Variants in PSTPIP2 observed in about 807,000 individuals in gnomAD.
PSTPIP2 encodes the protein proline-serine-threonine phosphatase interacting protein 2, also known as proline-serine-threonine phosphatase-interacting protein 2.
Under a neutral mutation model 63.3 loss-of-function variants are expected in PSTPIP2, and 33 were observed. The observed-to-expected ratio is 0.52, with a 90% CI of 0.40 to 0.70. The LOEUF is 0.70. Ranked by LOEUF, PSTPIP2 falls within the 30% of genes least tolerant of loss-of-function variation. The pLI is 0.00. For missense variants in PSTPIP2, 312 were observed against 400.7 expected (o/e 0.78, Z 1.89); for synonymous variants, 125 against 132.7 (o/e 0.94, Z 0.40).
intron 1 of PSTPIP2, chr18:46,040,874 A>T: frequency 2.6e-6 from 1 of 391,228 alleles, no homozygotes; most frequent in African/African-American, 2.1e-5. Flanking sequence ...TGGATCCTCT[A>T]CTGAAGCCCA....
intron 6 of PSTPIP2, 78 bp from the exon 7 acceptor site, chr18:45,999,612 A>G: frequency 6.8e-7 from 1 of 1,469,668 alleles, no homozygotes. Flanking sequence ...TGGCCCAGGA[A>G]GTCCAGCATG....
chr18:46,062,715 C>G (rs1008536121), intron 1 of PSTPIP2, among the ~76,000 whole-genome samples: 7 of 151,966 alleles, frequency 4.6e-5, no homozygotes, highest in Non-Finnish European at 1.0e-4. Flanking sequence ...CGGGGTTTCA[C>G]CGTGTTAGCC....
At chr18:46,028,773 C>T (rs1907684513) in intron 2 of PSTPIP2, 3 of 1,109,746 alleles carry the variant, frequency 2.7e-6, no homozygotes, top group Non-Finnish European at 4.1e-6. Flanking sequence ...TCCAGCATGC[C>T]GTGGGAGGAG....
At chr18:46,031,430 T>A (rs1470950635) in intron 2 of PSTPIP2, among the ~76,000 whole-genome samples, 2 of 152,188 alleles carry the variant, frequency 1.3e-5, no homozygotes, top group Admixed American at 1.3e-4. Context: ...CTGTTTCTTC[T>A]CAGGCCTCTA....
Position 45,991,911 on chromosome 18 carries a change from T to G in PSTPIP2, c.911A>C (p.Asn304Thr). 6.2e-7 allele frequency: 1 copy of G among 1,608,908 alleles called. No homozygotes were observed. Among genetic ancestry groups the G allele is most frequent in the Non-Finnish European group, 8.5e-7 (1 of 1,175,920 alleles). The change falls in exon 12 of 15, where the codon AAC (asparagine) becomes ACC (threonine). Residue 304 changes from asparagine to threonine, a missense_variant. By Grantham distance (65) the Asn-to-Thr change is moderately conservative. Transcript: ENST00000409746. ...AVPAGKATGP[N>T]LARRGPLPIP... ...GGCAGCTGGTTATTACCTTGCCAAG[T>G]TAGGCCCTGTAGCCTTTCCTGCTGG...
intron 2 of PSTPIP2, 60 bp downstream of exon 2, chr18:46,039,887 C>CT (rs1908127362): frequency 2.1e-6 from 3 of 1,404,626 alleles, no homozygotes; most frequent in Admixed American, 1.7e-5. Flanking sequence ...GAAATTGTTC[C>CT]TTGTCTGTGT....
At chr18:46,049,770 C>T (rs1286433568) in intron 1 of PSTPIP2, among the ~76,000 whole-genome samples, 1 of 152,166 alleles carries the variant, frequency 6.6e-6, no homozygotes, top group Non-Finnish European at 1.5e-5. Context: ...ATCCCAGTTA[C>T]TTGGGAGGCT....
Position 46,016,192 on chromosome 18 carries a change from A to G in PSTPIP2, c.213-255T>C, listed in dbSNP as rs112829517. The G allele has an allele frequency of 3.8e-3, 1,806 of 476,418 alleles. 17 individuals are homozygous for G. Among genetic ancestry groups the G allele is most frequent in the African/African-American group, 0.012 (598 of 51,498 alleles). 29.5% of individuals were successfully genotyped at this position (476,418 alleles called of 1,614,324 possible). A position where few individuals can be genotyped will look rare whatever the true frequency, so the allele number is the denominator to read the frequency against. Reference sequence around the variant, plus strand: ...AAACTCTTTGTGTTTCATTTTCTCCAATGATAGGATAGGAGTTATGATCCT... The same window carrying G: ...AAACTCTTTGTGTTTCATTTTCTCCGATGATAGGATAGGAGTTATGATCCT... On this transcript the variant is annotated intron_variant, in intron 3 of 14. Coordinates refer to ENST00000409746, the MANE Select transcript of PSTPIP2 (RefSeq NM_024430.4).
rs2144068461 is a variant in PSTPIP2, at chr18:45,998,795, T to C, written c.561A>G (p.Ser187=). The change falls in exon 8 of 15, where the codon TCA becomes TCG. Residue 187 remains serine (S), a splice_region_variant and synonymous_variant. Coordinates refer to ENST00000409746, the MANE Select transcript of PSTPIP2 (RefSeq NM_024430.4). ...LATSKTAVED[S]DKAYMLHIGT... ...CATCCGTAGGAACTGCCCCCTCACC[T>C]GAGTCCTCTACTGCGGTCTTTGAAG... is the stretch of plus-strand genomic sequence containing the variant. The C allele has an allele frequency of 6.2e-7, 1 of 1,613,706 alleles. No homozygotes were observed.
rs191513539 is a variant in PSTPIP2 at position 46,018,605 on chromosome 18, G to A, written c.213-2668C>T. Reference sequence around the variant, plus strand: ...GCTGGTCTCGAACTCCTGACCTCAAGTGAGCTGCCCGCCTTGGCCTCCCAA... The same window carrying A: ...GCTGGTCTCGAACTCCTGACCTCAAATGAGCTGCCCGCCTTGGCCTCCCAA... On this transcript the variant is annotated intron_variant, in intron 3 of 14. Transcript: ENST00000409746. Among the ~76,000 whole-genome samples the A allele has an allele frequency of 3.2e-3, 489 of 152,264 alleles. 5 individuals carry two copies. The highest frequency in any genetic ancestry group is 0.011 in the African/African-American group (456 of 41,554).
chr18:46,070,518 TGTTC>T lies in PSTPIP2; in HGVS notation c.33+1634_33+1637del, dbSNP rs1275824116. Among the ~76,000 whole-genome samples, 398 of 152,346 alleles carry T rather than the reference TGTTC, an allele frequency of 2.6e-3. 2 individuals carry two copies. The highest frequency in any genetic ancestry group is 9.1e-3 in the African/African-American group (377 of 41,584). ...TGTTGTTTGGTTGGGTTTGTTTGTTTGTTCGTTTTTGAGACAAACACAAATCACT... is the reference window on the plus strand; with the variant it reads ...TGTTGTTTGGTTGGGTTTGTTTGTTTGTTTTTGAGACAAACACAAATCACT... On this transcript the variant is annotated intron_variant, in intron 1 of 14. Coordinates refer to ENST00000409746, the MANE Select transcript of PSTPIP2 (RefSeq NM_024430.4).
At chr18:46,037,400 G>A (rs1908020117) in intron 2 of PSTPIP2, among the ~76,000 whole-genome samples, 1 of 152,124 alleles carries the variant, frequency 6.6e-6, no homozygotes, top group Admixed American at 6.6e-5. Context: ...GCCTGCCTCG[G>A]CCTCCCAAAG....
intron 10 of PSTPIP2, 47 bp from the exon 11 acceptor site, chr18:45,992,249 T>C: frequency 6.9e-7 from 1 of 1,459,106 alleles, no homozygotes; most frequent in Non-Finnish European, 9.4e-7. Context: ...TTGAGATCAT[T>C]GTGACACAGC....
At chr18:46,067,649 C>G (rs144387579) in intron 1 of PSTPIP2, among the ~76,000 whole-genome samples, 3 of 152,262 alleles carry the variant, frequency 2.0e-5, no homozygotes, top group Non-Finnish European at 4.4e-5. Flanking sequence ...AACAGGGGAG[C>G]TTTCAGCCAA....
chr18:46,042,273 C>A (rs1242806633), intron 1 of PSTPIP2, among the ~76,000 whole-genome samples: 1 of 152,172 alleles, frequency 6.6e-6, no homozygotes, highest in Non-Finnish European at 1.5e-5. Context: ...CATACATACC[C>A]CTCTGTCTTA....
chr18:46,049,842 G>A (rs979311581), intron 1 of PSTPIP2, among the ~76,000 whole-genome samples: 10 of 152,082 alleles, frequency 6.6e-5, no homozygotes, highest in Admixed American at 1.3e-4. Flanking sequence ...ATCACGCCAC[G>A]GCACTCCAGC....
chr18:46,041,406 C>T (rs933385858), intron 1 of PSTPIP2, among the ~76,000 whole-genome samples: 2 of 151,988 alleles, frequency 1.3e-5, no homozygotes, highest in Non-Finnish European at 2.9e-5. Context: ...GCCACCATAC[C>T]CAGCTATTTT....
At chr18:46,059,487 G>A (rs1427080520) in intron 1 of PSTPIP2, among the ~76,000 whole-genome samples, 1 of 152,090 alleles carries the variant, frequency 6.6e-6, no homozygotes, top group Non-Finnish European at 1.5e-5. Flanking sequence ...GACCTCAAGT[G>A]ATCTGCCTGC....
chr18:46,024,563 G>A (rs780620785), intron 3 of PSTPIP2, 46 bp downstream of exon 3: 3 of 1,503,488 alleles, frequency 2.0e-6, no homozygotes, highest in Non-Finnish European at 2.8e-6. Flanking sequence ...GGAGCTCCCA[G>A]GCATTATTAA....
Sources: gnomAD v4.1 joint callset for allele counts (sites outside exome capture counted in the v4.1 genomes callset) on GRCh38, gnomAD v4.1.1 for gene constraint, MANE v1.5 for transcripts, NCBI Gene and HGNC (gene_info 2026-07-23, HGNC 2026-07-21) for gene names.